Variants in CSMD1 observed in about 807,000 individuals in gnomAD.
CSMD1 encodes CUB and sushi domain-containing protein 1.
A neutral mutation model predicts 417.5 loss-of-function variants in CSMD1; 213 were observed. The observed-to-expected ratio is 0.51, with a 90% CI of 0.46 to 0.57. The LOEUF (loss-of-function observed/expected upper bound fraction) is 0.57. CSMD1 is among the 20% of genes least tolerant of loss of function. The probability of loss-of-function intolerance (pLI) is 0.00; values close to 1 mark genes in which losing one functional copy is unlikely to be tolerated. For missense variants in CSMD1, 6,923 were observed against 4,529.7 expected (o/e 1.53, Z -15.17); for synonymous variants, 2,862 against 1,736.8 (o/e 1.65, Z -16.11).
intron 12 of CSMD1, among the ~76,000 whole-genome samples, chr8:3,411,070 G>C (rs1324711756): frequency 6.6e-6 from 1 of 152,170 alleles, no homozygotes; most frequent in Non-Finnish European, 1.5e-5. Context: ...GGCCCTGCCT[G>C]TTGGGCTTCC....
At chr8:4,912,021 C>G (rs1056248926) in intron 1 of CSMD1, among the ~76,000 whole-genome samples, 1 of 149,768 alleles carries the variant, frequency 6.7e-6, no homozygotes, top group Non-Finnish European at 1.5e-5. Context: ...CTTCTGTAAC[C>G]TTTATTAAAG....
chr8:2,960,945 T>G (rs1369198095), intron 62 of CSMD1, among the ~76,000 whole-genome samples, 196 bp downstream of exon 62: 1 of 99,820 alleles, frequency 1.0e-5, no homozygotes, highest in Non-Finnish European at 1.9e-5. Flanking sequence ...GCAAGATATA[T>G]ATATATATAT....
rs542581120 is a variant in CSMD1 at position 4,147,934 on chromosome 8, G to A, written c.416-115835C>T. Among the ~76,000 whole-genome samples the A allele has an allele frequency of 7.2e-5, 11 of 152,156 alleles. No homozygotes were observed. In the East Asian group the frequency reaches 1.9e-3, roughly 27 times the overall value. On this transcript the variant is annotated intron_variant, in intron 3 of 69. Transcript: ENST00000635120. The stretch of plus-strand genomic sequence containing the variant: ...GGAGGCTCCTGCAGCACAAACTCTG[G>A]GGTGCACCAGGTAGAAACCCACAGA...
chr8:4,824,356 A>T (rs1799690897), intron 1 of CSMD1, among the ~76,000 whole-genome samples: 1 of 152,096 alleles, frequency 6.6e-6, no homozygotes, highest in South Asian at 2.1e-4. Context: ...TGAAAGTCTG[A>T]ATGATATGCA....
chr8:3,153,401 T>C (rs1324033457), intron 39 of CSMD1, among the ~76,000 whole-genome samples: 1 of 152,202 alleles, frequency 6.6e-6, no homozygotes, highest in African/African-American at 2.4e-5. Context: ...CTTAATAAAC[T>C]TGCTTTCACT....
At position 4,457,481 on chromosome 8, in the gene CSMD1, T is replaced by C. The variant is rs562442596; in HGVS notation, c.303-37416A>G. Among the ~76,000 whole-genome samples the C allele has an allele frequency of 3.6e-4, 55 of 152,184 alleles. 1 individual carries two copies. The highest frequency in any genetic ancestry group is 2.2e-4 in the Non-Finnish European group (15 of 68,004). Reference sequence around the variant, plus strand: ...GTCTTGCTTATTGGAAAAGATTACCTGTAGTTTTCTATAAGAAATGATCAT... The same window carrying C: ...GTCTTGCTTATTGGAAAAGATTACCCGTAGTTTTCTATAAGAAATGATCAT... On this transcript the variant is annotated intron_variant, in intron 2 of 69. Transcript: ENST00000635120.
chr8:4,004,421 T>TG (rs1491338044), intron 4 of CSMD1, among the ~76,000 whole-genome samples: 1 of 97,704 alleles, frequency 1.0e-5, no homozygotes, highest in Non-Finnish European at 1.9e-5. Flanking sequence ...GCCATGAATC[T>TG]TTTTTTTTTT....
At chr8:4,630,297 C>G (rs1208750442) in intron 2 of CSMD1, among the ~76,000 whole-genome samples, 1 of 123,342 alleles carries the variant, frequency 8.1e-6, no homozygotes, top group African/African-American at 2.8e-5. Flanking sequence ...CACACACACA[C>G]ACACACACTC....
At chr8:3,463,873 C>A (rs548079867) in intron 12 of CSMD1, among the ~76,000 whole-genome samples, 1 of 152,272 alleles carries the variant, frequency 6.6e-6, no homozygotes, top group African/African-American at 2.4e-5. Flanking sequence ...CAACACACAG[C>A]CTCACTTCCC....
rs566032527 is a variant in CSMD1 at position 4,099,041 on chromosome 8, G to T, written c.416-66942C>A. On this transcript the variant is annotated intron_variant, in intron 3 of 69. Transcript: ENST00000635120. ...AGCTGAATTAATAACAAATGTGGATGCATGTGACACATCTGTTTTTTTCTT... is the reference window on the plus strand; with the variant it reads ...AGCTGAATTAATAACAAATGTGGATTCATGTGACACATCTGTTTTTTTCTT... Among the ~76,000 whole-genome samples the T allele has an allele frequency of 3.3e-5, 5 of 152,230 alleles. No homozygotes were observed. The East Asian group carries it at 7.7e-4, about 24-fold the overall frequency.
At chr8:3,676,833 A>G (rs974980426) in intron 7 of CSMD1, among the ~76,000 whole-genome samples, 1 of 152,186 alleles carries the variant, frequency 6.6e-6, no homozygotes, top group Admixed American at 6.5e-5. Flanking sequence ...GGAATAAAGG[A>G]TGAGTTCATT....
At chr8:3,254,015 G>T (rs1334580883) in intron 26 of CSMD1, among the ~76,000 whole-genome samples, 1 of 152,192 alleles carries the variant, frequency 6.6e-6, no homozygotes, top group Non-Finnish European at 1.5e-5. Flanking sequence ...GCTGGTACTA[G>T]TTGTTCCTTT....
intron 3 of CSMD1, among the ~76,000 whole-genome samples, chr8:4,077,301 A>ATATATATATATATATATATG (rs1799877489): frequency 1.4e-5 from 1 of 73,542 alleles, no homozygotes; most frequent in African/African-American, 3.6e-5. Context: ...ATATGTGTAT[A>ATATATATATATATATATATG]TATATATATA....
chr8:4,273,084 G>C (rs994452476), intron 3 of CSMD1, among the ~76,000 whole-genome samples: 1 of 152,014 alleles, frequency 6.6e-6, no homozygotes, highest in South Asian at 2.1e-4. Context: ...TGAGGAAGAA[G>C]TATAAAAAAT....
chr8:3,568,390 A>C (rs920112875), intron 10 of CSMD1, among the ~76,000 whole-genome samples: 1 of 152,160 alleles, frequency 6.6e-6, no homozygotes, highest in African/African-American at 2.4e-5. Context: ...GTTTTTGTCA[A>C]TTATACATCA....
At chr8:4,915,901 G>C (rs796266596) in intron 1 of CSMD1, among the ~76,000 whole-genome samples, 1 of 152,210 alleles carries the variant, frequency 6.6e-6, no homozygotes, top group African/African-American at 2.4e-5. Flanking sequence ...TGCCAGGCAG[G>C]AGTGGCTCTT....
chr8:4,568,601 A>G (rs897562632), intron 2 of CSMD1, among the ~76,000 whole-genome samples: 7 of 152,134 alleles, frequency 4.6e-5, no homozygotes, highest in African/African-American at 1.7e-4. Context: ...GCATCTTCAT[A>G]ATAGAAAGAT....
At chr8:4,903,468 T>C (rs1462927693) in intron 1 of CSMD1, among the ~76,000 whole-genome samples, 1 of 152,076 alleles carries the variant, frequency 6.6e-6, no homozygotes, top group Non-Finnish European at 1.5e-5. Context: ...ACACCAATTG[T>C]ACAAATGTAT....
intron 37 of CSMD1, among the ~76,000 whole-genome samples, chr8:3,174,424 G>C (rs562578517): frequency 1.3e-5 from 2 of 152,276 alleles, no homozygotes; most frequent in South Asian, 2.1e-4. Flanking sequence ...GAACCCAAGA[G>C]GTTGAGACTG....
Sources: allele counts gnomAD v4.1 joint callset (sites outside exome capture counted in the v4.1 genomes callset), GRCh38; gene constraint gnomAD v4.1.1; transcripts MANE v1.5; gene names NCBI Gene and HGNC (gene_info 2026-07-23, HGNC 2026-07-21).